PCDHA1: variants seen among roughly 807,000 people sequenced by gnomAD.
The protein encoded by PCDHA1 is protocadherin alpha-1.
In PCDHA1, 42 loss-of-function variants were observed where a neutral mutation model predicts 61.3. The observed-to-expected ratio is 0.69, with a 90% CI of 0.54 to 0.89. The LOEUF (loss-of-function observed/expected upper bound fraction) is 0.89. PCDHA1 is among the 40% of genes least tolerant of loss of function. The pLI is 0.00. For synonymous variants in PCDHA1, 610 were observed against 553.8 expected (o/e 1.10, Z -1.43); for missense variants, 1,256 against 1,235.3 (o/e 1.02, Z -0.25).
At chr5:140,869,752 G>A (rs1398153775) in intron 1 of PCDHA1, 17 of 1,613,136 alleles carry the variant, frequency 1.1e-5, no homozygotes, top group African/African-American at 1.3e-5. Context: ...AGCTACAGAC[G>A]GGGGAAAACC....
At chr5:140,789,051 G>A (rs1048908892) in intron 1 of PCDHA1, among the ~76,000 whole-genome samples, 1 of 152,160 alleles carries the variant, frequency 6.6e-6, no homozygotes, top group African/African-American at 2.4e-5. Flanking sequence ...GTCAAGCCCC[G>A]GACAAACAAT....
rs1554144804 is a variant in PCDHA1, at chr5:140,850,700, C to G, written c.2394+62016C>G. 17 of 1,597,908 alleles carry G rather than the reference C, an allele frequency of 1.1e-5. 1 individual carries two copies. The highest frequency in any genetic ancestry group is 1.7e-5 in the Admixed American group (1 of 59,228). ...CCACCGAGGGCGAGTGCGCGCCTGG[C>G]AAGCCGACGCTGGTGTGTTCTAGCG... On this transcript the variant is annotated intron_variant, in intron 1 of 3. Transcript: ENST00000504120.
chr5:140,791,780 C>T (rs2149903693), intron 1 of PCDHA1, among the ~76,000 whole-genome samples: 1 of 152,144 alleles, frequency 6.6e-6, no homozygotes, highest in Non-Finnish European at 1.5e-5. Flanking sequence ...CATAGATATT[C>T]CTTCTTTTTT....
intron 1 of PCDHA1, chr5:140,859,116 A>G (rs1210233743): frequency 6.7e-6 from 1 of 150,046 alleles, no homozygotes; most frequent in Non-Finnish European, 1.5e-5. Flanking sequence ...AAGAAAATGT[A>G]TGTTTCTTTT....
chr5:140,953,564 GC>G (rs543933826), intron 1 of PCDHA1, among the ~76,000 whole-genome samples: 356 of 152,176 alleles, frequency 2.3e-3, no homozygotes, highest in African/African-American at 7.9e-3. Context: ...AAGTTTTAGT[GC>G]CCTCCTCTCC....
chr5:140,790,753 A>G (rs556387830), intron 1 of PCDHA1, among the ~76,000 whole-genome samples: 1 of 152,248 alleles, frequency 6.6e-6, no homozygotes, highest in Non-Finnish European at 1.5e-5. Flanking sequence ...TTGCCTTTAC[A>G]TACATTCAAT....
intron 1 of PCDHA1, chr5:140,876,604 G>A: frequency 6.2e-7 from 1 of 1,614,204 alleles, no homozygotes; most frequent in Non-Finnish European, 8.5e-7. Flanking sequence ...GTCGGATCGT[G>A]ACTCTGGAGC....
chr5:140,948,959 C>T (rs1315047565), intron 1 of PCDHA1, among the ~76,000 whole-genome samples: 13 of 151,622 alleles, frequency 8.6e-5, no homozygotes, highest in South Asian at 6.2e-4. Context: ...ATTAAAGCCA[C>T]GAATTTATTA....
intron 1 of PCDHA1, chr5:140,803,327 G>A (rs1554122720): frequency 6.2e-7 from 1 of 1,614,186 alleles, no homozygotes; most frequent in Non-Finnish European, 8.5e-7. Context: ...TGTCCAGTCT[G>A]TTGGTGCTCA....
intron 1 of PCDHA1, chr5:140,863,191 G>A: frequency 1.2e-6 from 1 of 802,224 alleles, no homozygotes; most frequent in Non-Finnish European, 2.1e-6. Flanking sequence ...CACCGTGGTG[G>A]CGTCGCTGGC....
At chr5:140,896,022 GC>G (rs2065315462) in intron 1 of PCDHA1, among the ~76,000 whole-genome samples, 3 of 152,138 alleles carry the variant, frequency 2.0e-5, no homozygotes, top group Admixed American at 1.3e-4. Context: ...TGTTGGCCAG[GC>G]TGGTCTCGAA....
At position 140,786,188 on chromosome 5, in the gene PCDHA1, G is replaced by A; in HGVS notation, c.-103G>A. ...GAAGCTCCATTTTGTCACCGCCTGAGAGAAGACAGAAACGGTAAAGAGATA... is the reference window on the plus strand; with the variant it reads ...GAAGCTCCATTTTGTCACCGCCTGAAAGAAGACAGAAACGGTAAAGAGATA... On this transcript the variant is annotated 5_prime_UTR_variant, in exon 1 of 4. Coordinates refer to ENST00000504120, the MANE Select transcript of PCDHA1 (RefSeq NM_018900.4). The A allele has an allele frequency of 6.9e-7, 1 of 1,439,722 alleles. No individual in the cohort carries two copies. Among genetic ancestry groups the A allele is most frequent in the Non-Finnish European group, 9.4e-7 (1 of 1,069,364 alleles). 89.2% of individuals were successfully genotyped at this position (1,439,722 alleles called of 1,614,324 possible).
intron 1 of PCDHA1, among the ~76,000 whole-genome samples, chr5:140,805,996 G>A (rs1467365068): frequency 4.6e-5 from 7 of 152,040 alleles, no homozygotes; most frequent in African/African-American, 1.7e-4. Flanking sequence ...TTCCAAAAAA[G>A]GACACACATA....
At chr5:140,807,334 G>T (rs782485620) in intron 1 of PCDHA1, 5 of 1,613,364 alleles carry the variant, frequency 3.1e-6, no homozygotes, top group Admixed American at 3.3e-5. Context: ...GCCGCATCGC[G>T]CAGGACCTGG....
At chr5:140,850,020 T>C (rs2150463702) in intron 1 of PCDHA1, 2 of 1,596,646 alleles carry the variant, frequency 1.3e-6, no homozygotes, top group African/African-American at 1.3e-5. Flanking sequence ...GAGCTACGTG[T>C]CAGTGCACGC....
chr5:140,794,040 G>A (rs1761829708), intron 1 of PCDHA1, among the ~76,000 whole-genome samples: 1 of 152,174 alleles, frequency 6.6e-6, no homozygotes, highest in African/African-American at 2.4e-5. Context: ...ATTGAAAGCA[G>A]GGTCTCAAAG....
In PCDHA1 at chr5:140,787,267, G is replaced by A. The variant is rs781991203; in HGVS notation, c.977G>A (p.Gly326Glu). 6.2e-7 allele frequency: 1 copy of A among 1,614,004 alleles called. No individual in the cohort carries two copies. The highest frequency in any genetic ancestry group is 8.5e-7 in the Non-Finnish European group (1 of 1,180,030). Residue 326 changes from glycine (G) to glutamate (E), a missense_variant, in exon 1 of 4, where the codon GGA becomes GAA. Physicochemically the swap from Gly to Glu is moderately conservative, Grantham distance 98. Coordinates refer to ENST00000504120, the MANE Select transcript of PCDHA1 (RefSeq NM_018900.4). ...YEIQVKAVDKGSPPMSNHCKV... is the reference protein window; with the variant it reads ...YEIQVKAVDKESPPMSNHCKV... ...ATTCAAGTAAAGGCAGTTGATAAAG[G>A]AAGTCCTCCGATGTCAAATCACTGT...
At chr5:140,854,866 A>G (rs1479587477) in intron 1 of PCDHA1, among the ~76,000 whole-genome samples, 3 of 149,974 alleles carry the variant, frequency 2.0e-5, no homozygotes, top group Non-Finnish European at 4.5e-5. Context: ...GATATATTTC[A>G]GAACTGTGTC....
intron 1 of PCDHA1, chr5:140,795,241 G>C (rs1761934602): frequency 1.2e-6 from 2 of 1,614,296 alleles, no homozygotes; most frequent in South Asian, 2.2e-5. Flanking sequence ...GATCGACCGG[G>C]AGGAGCTGTG....
Sources: gnomAD v4.1 joint callset for allele counts (sites outside exome capture counted in the v4.1 genomes callset) on GRCh38, gnomAD v4.1.1 for gene constraint, MANE v1.5 for transcripts, NCBI Gene and HGNC (gene_info 2026-07-23, HGNC 2026-07-21) for gene names.